Variants in IPCEF1 observed in about 807,000 individuals in gnomAD.
The protein encoded by IPCEF1 is interaction protein for cytohesin exchange factors 1.
IPCEF1 carries 31 observed loss-of-function variants against 50.9 expected under a neutral mutation model. That is an observed-to-expected ratio of 0.61 (90% CI 0.46 to 0.82). IPCEF1 has a LOEUF of 0.82. IPCEF1 is among the 40% of genes least tolerant of loss of function. The pLI, the probability that IPCEF1 is intolerant of heterozygous loss-of-function variation, is 0.00. For synonymous variants in IPCEF1, 181 were observed against 192.0 expected (o/e 0.94, Z 0.47); for missense variants, 458 against 514.0 (o/e 0.89, Z 1.05).
At chr6:154,197,382 G>A (rs1327058628) in intron 10 of IPCEF1, among the ~76,000 whole-genome samples, 1 of 152,168 alleles carries the variant, frequency 6.6e-6, no homozygotes, top group African/African-American at 2.4e-5. Flanking sequence ...AAGTGGTTCA[G>A]TTCTTCTGGG....
intron 1 of IPCEF1, among the ~76,000 whole-genome samples, chr6:154,327,553 AAAAAGGCAAAAAAAC>A (rs1373802585): frequency 2.6e-5 from 4 of 152,216 alleles, no homozygotes; most frequent in African/African-American, 9.6e-5. Context: ...GGCCATTAAT[AAAAAGGCAAAAAAAC>A]AACACATATT....
chr6:154,193,175 T>C (rs1802086570), intron 10 of IPCEF1, among the ~76,000 whole-genome samples: 1 of 152,164 alleles, frequency 6.6e-6, no homozygotes, highest in African/African-American at 2.4e-5. Context: ...TACCATAGAA[T>C]ACTACTCAGC....
chr6:154,274,598 C>T (rs1000756741), intron 2 of IPCEF1, among the ~76,000 whole-genome samples: 1 of 152,228 alleles, frequency 6.6e-6, no homozygotes, highest in African/African-American at 2.4e-5. Context: ...TGGCCATGCC[C>T]CTCTTGGAGG....
At chr6:154,258,389 C>T (rs1320710429) in intron 3 of IPCEF1, among the ~76,000 whole-genome samples, 1 of 152,148 alleles carries the variant, frequency 6.6e-6, no homozygotes, top group Non-Finnish European at 1.5e-5. Flanking sequence ...GACTCCTAAG[C>T]CTATTGTTTA....
At chr6:154,203,135 C>T (rs1221638128) in intron 9 of IPCEF1, among the ~76,000 whole-genome samples, 1 of 152,206 alleles carries the variant, frequency 6.6e-6, no homozygotes, top group East Asian at 1.9e-4. Context: ...TCACTGCCTT[C>T]TGTGAACCAT....
intron 2 of IPCEF1, among the ~76,000 whole-genome samples, chr6:154,268,814 T>C (rs1781823825): frequency 6.6e-6 from 1 of 152,068 alleles, no homozygotes; most frequent in Non-Finnish European, 1.5e-5. Flanking sequence ...TGGTGCATGC[T>C]TTTTCTCAAC....
chr6:154,270,261 T>G (rs1181240950), intron 2 of IPCEF1, among the ~76,000 whole-genome samples: 2 of 152,234 alleles, frequency 1.3e-5, no homozygotes, highest in Non-Finnish European at 2.9e-5. Flanking sequence ...TGTCTATGGA[T>G]TATGAAAGTA....
At chr6:154,229,578 G>A (rs1387411585) in intron 5 of IPCEF1, among the ~76,000 whole-genome samples, 1 of 151,526 alleles carries the variant, frequency 6.6e-6, no homozygotes. Context: ...GGACGGTCTC[G>A]ATCTCCTGAC....
At chr6:154,221,430 C>G (rs1335610728) in intron 6 of IPCEF1, 102 bp from the exon 7 acceptor site, 2 of 857,756 alleles carry the variant, frequency 2.3e-6, no homozygotes, top group Non-Finnish European at 3.7e-6. Context: ...AACTTGTCTG[C>G]TTTCTTTGTA....
Position 154,157,040 on chromosome 6 carries a change from T to G in IPCEF1, c.*2788A>C, listed in dbSNP as rs1798745654. On this transcript the variant is annotated 3_prime_UTR_variant, in exon 12 of 12. Coordinates refer to ENST00000367220, the MANE Select transcript of IPCEF1 (RefSeq NM_001130700.2). ...CAGGACTGGGTATAGGAATTGGCCC[T>G]TGGACCCCAGGAAACTACCCCAAAT... is the stretch of plus-strand genomic sequence containing the variant. 6.6e-6 allele frequency: 1 copy of G among 152,254 alleles called. No individual in the cohort carries two copies. The highest frequency in any genetic ancestry group is 1.5e-5 in the Non-Finnish European group (1 of 68,106). 9.4% of individuals were successfully genotyped at this position (152,254 alleles called of 1,614,324 possible).
intron 10 of IPCEF1, among the ~76,000 whole-genome samples, chr6:154,180,415 T>TATATATATATATA (rs1491475267): frequency 6.1e-4 from 18 of 29,334 alleles, no homozygotes; most frequent in East Asian, 3.9e-3. Flanking sequence ...TATATATATA[T>TATATATATATATA]TTTTTTTTTA....
intron 1 of IPCEF1, among the ~76,000 whole-genome samples, chr6:154,340,865 C>T (rs1420250001): frequency 8.0e-6 from 1 of 124,964 alleles, no homozygotes; most frequent in Non-Finnish European, 1.6e-5. Flanking sequence ...GCCTGGGCAA[C>T]AAGAGCAAAA....
intron 1 of IPCEF1, among the ~76,000 whole-genome samples, chr6:154,324,347 C>T (rs1378319053): frequency 6.6e-6 from 1 of 152,182 alleles, no homozygotes. Flanking sequence ...GGGAGGAACA[C>T]TTGAGTTCAT....
chr6:154,281,997 T>G (rs962374713), intron 2 of IPCEF1, among the ~76,000 whole-genome samples: 1 of 150,150 alleles, frequency 6.7e-6, no homozygotes, highest in African/African-American at 2.5e-5. Context: ...AGAGTGAAAC[T>G]CCATCTCAAC....
chr6:154,289,319 T>C (rs1026498881), intron 2 of IPCEF1, among the ~76,000 whole-genome samples: 1 of 151,846 alleles, frequency 6.6e-6, no homozygotes, highest in Non-Finnish European at 1.5e-5. Flanking sequence ...TTTAAATCAG[T>C]AAGTACTCCA....
intron 2 of IPCEF1, among the ~76,000 whole-genome samples, chr6:154,287,170 T>TCC (rs984909130): frequency 6.6e-6 from 1 of 151,658 alleles, no homozygotes; most frequent in Non-Finnish European, 1.5e-5. Flanking sequence ...CCTCTCTCTC[T>TCC]CTCTCTCTCT....
chr6:154,353,617 A>G (rs1211400610), intron 1 of IPCEF1, among the ~76,000 whole-genome samples: 1 of 152,136 alleles, frequency 6.6e-6, no homozygotes, highest in East Asian at 1.9e-4. Flanking sequence ...CGTTTGTTTT[A>G]TTTTCAGATT....
chr6:154,266,396 T>G (rs960468064), intron 2 of IPCEF1, among the ~76,000 whole-genome samples: 4 of 151,928 alleles, frequency 2.6e-5, no homozygotes, highest in African/African-American at 9.7e-5. Flanking sequence ...TAAAAAAATT[T>G]TTTTTAATGA....
At chr6:154,224,784 A>G (rs1779126562) in intron 5 of IPCEF1, among the ~76,000 whole-genome samples, 1 of 152,148 alleles carries the variant, frequency 6.6e-6, no homozygotes. Context: ...TAAACATTAT[A>G]TATGCATATG....
Sources: allele counts gnomAD v4.1 joint callset (sites outside exome capture counted in the v4.1 genomes callset), GRCh38; gene constraint gnomAD v4.1.1; transcripts MANE v1.5; gene names NCBI Gene and HGNC (gene_info 2026-07-23, HGNC 2026-07-21).